The following GMDS variants were observed in gnomAD, a reference collection of about 807,000 sequenced individuals.
GMDS encodes GDP-mannose 4,6 dehydratase.
Under a neutral mutation model 49.9 loss-of-function variants are expected in GMDS, and 20 were observed. The ratio of observed to expected loss-of-function variants is 0.40; its 90% CI spans 0.28 to 0.58. The LOEUF is 0.58. GMDS is among the 20% of genes least tolerant of loss of function. The pLI is 0.42. For synonymous variants in GMDS, 177 were observed against 178.6 expected, an observed-to-expected ratio of 0.99 and a Z score of 0.07; for missense variants, 362 against 481.4, an observed-to-expected ratio of 0.75 and a Z score of 2.32.
intron 1 of GMDS, among the ~76,000 whole-genome samples, chr6:2,153,500 A>C (rs961103457): frequency 6.6e-6 from 1 of 152,214 alleles, no homozygotes; most frequent in Non-Finnish European, 1.5e-5. Flanking sequence ...TAAACATAAC[A>C]ACAGTCCAGT....
At chr6:1,891,174 C>G (rs1008025623) in intron 7 of GMDS, among the ~76,000 whole-genome samples, 1 of 152,172 alleles carries the variant, frequency 6.6e-6, no homozygotes, top group East Asian at 1.9e-4. Context: ...AGTCAAACCA[C>G]GTGGTTTCCA....
At chr6:1,737,720 C>T (rs1314275298) in intron 8 of GMDS, among the ~76,000 whole-genome samples, 1 of 145,876 alleles carries the variant, frequency 6.9e-6, no homozygotes, top group Non-Finnish European at 1.5e-5. Context: ...CACAAAGACA[C>T]ACCACAAACA....
intron 4 of GMDS, among the ~76,000 whole-genome samples, chr6:2,109,730 C>T (rs1475693028): frequency 6.6e-6 from 1 of 152,208 alleles, no homozygotes. Context: ...CCATGGCAGT[C>T]GTCTGTTCCA....
chr6:2,183,300 C>T (rs1778638585), intron 1 of GMDS, among the ~76,000 whole-genome samples: 1 of 152,112 alleles, frequency 6.6e-6, no homozygotes, highest in South Asian at 2.1e-4. Flanking sequence ...GTCAAAATAG[C>T]AACATTAACA....
intron 4 of GMDS, among the ~76,000 whole-genome samples, chr6:2,032,954 AT>A (rs1216763144): frequency 6.6e-6 from 1 of 152,226 alleles, no homozygotes; most frequent in Non-Finnish European, 1.5e-5. Context: ...CTCAAATTTC[AT>A]TTTTAAAAAT....
intron 4 of GMDS, among the ~76,000 whole-genome samples, chr6:2,112,087 C>A (rs1774579203): frequency 6.6e-6 from 1 of 152,176 alleles, no homozygotes; most frequent in Admixed American, 6.5e-5. Flanking sequence ...ACAGCATAAA[C>A]AGTGGTATGG....
At chr6:1,711,631 A>G (rs1309628732) in intron 9 of GMDS, among the ~76,000 whole-genome samples, 1 of 152,120 alleles carries the variant, frequency 6.6e-6, no homozygotes, top group Admixed American at 6.5e-5. Context: ...ACTACTCTGC[A>G]ATTTTTGCAC....
chr6:1,839,604 A>T (rs1404194551), intron 7 of GMDS, among the ~76,000 whole-genome samples: 1 of 152,240 alleles, frequency 6.6e-6, no homozygotes, highest in East Asian at 1.9e-4. Context: ...TCAAGTATAT[A>T]TCAGATCCAT....
intron 4 of GMDS, among the ~76,000 whole-genome samples, chr6:2,088,380 T>A (rs1047923461): frequency 1.2e-4 from 19 of 152,174 alleles, no homozygotes; most frequent in African/African-American, 4.6e-4. Flanking sequence ...TTTGCCTGTA[T>A]CATAGGATTG....
At chr6:2,095,564 C>T (rs1773549392) in intron 4 of GMDS, among the ~76,000 whole-genome samples, 1 of 152,112 alleles carries the variant, frequency 6.6e-6, no homozygotes, top group African/African-American at 2.4e-5. Context: ...ATCAGAAGAG[C>T]TTGTGCTTTC....
intron 1 of GMDS, 45 bp downstream of exon 1, chr6:2,245,276 G>A (rs370562357): frequency 1.1e-5 from 14 of 1,288,406 alleles, no homozygotes; most frequent in Non-Finnish European, 1.3e-5. Flanking sequence ...GAGAGCACGC[G>A]TGCCCAGGCT....
intron 1 of GMDS, among the ~76,000 whole-genome samples, chr6:2,195,058 G>A (rs759530832): frequency 6.6e-6 from 1 of 152,100 alleles, no homozygotes; most frequent in Non-Finnish European, 1.5e-5. Context: ...CCTTTCTGAG[G>A]TAATTATACA....
At chr6:1,699,899 G>T (rs968966137) in intron 9 of GMDS, among the ~76,000 whole-genome samples, 2 of 152,226 alleles carry the variant, frequency 1.3e-5, no homozygotes, top group African/African-American at 4.8e-5. Context: ...ACAGCTGAGG[G>T]GCACACACAG....
intron 7 of GMDS, among the ~76,000 whole-genome samples, chr6:1,775,105 G>A (rs1288383805): frequency 2.0e-5 from 3 of 152,164 alleles, no homozygotes; most frequent in Non-Finnish European, 4.4e-5. Flanking sequence ...CAGGAATGAA[G>A]TTCTTCAGAA....
chr6:1,634,728 G>A (rs78056324), intron 9 of GMDS, among the ~76,000 whole-genome samples: 8,212 of 152,220 alleles, frequency 0.054, 300 homozygotes, highest in Admixed American at 0.11. Context: ...GCTGCCTGTG[G>A]GTTAGAAAGA....
At chr6:1,965,148 C>A (rs969554968) in intron 4 of GMDS, among the ~76,000 whole-genome samples, 1 of 152,024 alleles carries the variant, frequency 6.6e-6, no homozygotes, top group Admixed American at 6.5e-5. Flanking sequence ...GTGCATGTGT[C>A]TTTATAGCAG....
chr6:2,094,115 A>T (rs771493763), intron 4 of GMDS, among the ~76,000 whole-genome samples: 23 of 152,234 alleles, frequency 1.5e-4, no homozygotes, highest in Admixed American at 1.5e-3. Flanking sequence ...ACCAATGTCG[A>T]TAAGATTCTA....
At chr6:1,647,786 G>A (rs1163600432) in intron 9 of GMDS, among the ~76,000 whole-genome samples, 1 of 152,180 alleles carries the variant, frequency 6.6e-6, no homozygotes, top group Admixed American at 6.5e-5. Context: ...GCCGGAGTGG[G>A]GGAAGGACAA....
chr6:2,156,076 T>C (rs906616368), intron 1 of GMDS, among the ~76,000 whole-genome samples: 4 of 152,186 alleles, frequency 2.6e-5, no homozygotes, highest in Non-Finnish European at 5.9e-5. Flanking sequence ...CTTTCCTAAA[T>C]GTCAAGAAAA....
Sources: gnomAD v4.1 joint callset for allele counts (sites outside exome capture counted in the v4.1 genomes callset) on GRCh38, gnomAD v4.1.1 for gene constraint, MANE v1.5 for transcripts, NCBI Gene and HGNC (gene_info 2026-07-23, HGNC 2026-07-21) for gene names.